Variants in SNX13 observed in about 807,000 individuals in gnomAD.
The protein encoded by SNX13 is sorting nexin-13.
Under a neutral mutation model 133.6 loss-of-function variants are expected in SNX13, and 45 were observed. That is an observed-to-expected ratio of 0.34 (90% CI 0.27 to 0.43). SNX13 has a LOEUF of 0.43. Among genes scored for constraint, SNX13 ranks in the 20% least tolerant of loss-of-function variants. SNX13 has a pLI of 1.00. For missense variants in SNX13, 1,032 were observed against 1,145.1 expected (o/e 0.90, Z 1.43); for synonymous variants, 414 against 373.9 (o/e 1.11, Z -1.24).
chr7:17,864,089 G>T (rs981937456), intron 9 of SNX13, among the ~76,000 whole-genome samples: 1 of 152,136 alleles, frequency 6.6e-6, no homozygotes, highest in African/African-American at 2.4e-5. Context: ...AGATTGAGAA[G>T]ATTAAAATAA....
chr7:17,825,564 T>C (rs1020077005), intron 17 of SNX13, among the ~76,000 whole-genome samples: 6 of 152,324 alleles, frequency 3.9e-5, no homozygotes, highest in African/African-American at 1.4e-4. Flanking sequence ...CACAAAGTTT[T>C]AGAGGTTTCT....
At chr7:17,841,504 G>C (rs1474129025) in intron 12 of SNX13, among the ~76,000 whole-genome samples, 1 of 150,598 alleles carries the variant, frequency 6.6e-6, no homozygotes, top group East Asian at 1.9e-4. Context: ...GGAAAGGGAA[G>C]TGATTTCCAG....
intron 18 of SNX13, among the ~76,000 whole-genome samples, chr7:17,820,712 C>A (rs1047603058): frequency 6.6e-6 from 1 of 152,062 alleles, no homozygotes; most frequent in African/African-American, 2.4e-5. Flanking sequence ...AGTAGTACAA[C>A]GTCATTTCAA....
At chr7:17,810,267 T>TA (rs1389770699) in intron 20 of SNX13, among the ~76,000 whole-genome samples, 7 of 151,574 alleles carry the variant, frequency 4.6e-5, no homozygotes, top group African/African-American at 1.7e-4. Context: ...ATAGACACAA[T>TA]AAAAAATGAT....
Position 17,850,906 on chromosome 7 carries a change from T to C in SNX13, c.896A>G (p.Asn299Ser). The part of the protein sequence containing the change: ...AFMNIIKLSD[N>S]IGELEAVRDK... ...TCTGACTGCTTCTAGCTCTCCAATATTGTCACTCAATTTAATAATGTTCAT... is the reference window on the plus strand; with the variant it reads ...TCTGACTGCTTCTAGCTCTCCAATACTGTCACTCAATTTAATAATGTTCAT... Residue 299 changes from asparagine to serine, a missense_variant, in exon 10 of 26, where the codon AAT becomes AGT. Asn to Ser is a conservative substitution (Grantham distance 46). Coordinates refer to ENST00000428135, the MANE Select transcript of SNX13 (RefSeq NM_015132.5). 3 of 1,612,358 alleles carry C rather than the reference T, an allele frequency of 1.9e-6. No individual in the cohort carries two copies. Among genetic ancestry groups the C allele is most frequent in the Non-Finnish European group, 2.5e-6 (3 of 1,179,314 alleles).
chr7:17,809,435 T>C (rs1007142629), intron 20 of SNX13, among the ~76,000 whole-genome samples: 2 of 152,008 alleles, frequency 1.3e-5, no homozygotes, highest in Non-Finnish European at 2.9e-5. Context: ...CTAACTATCC[T>C]AAATATATGC....
Position 17,873,545 on chromosome 7 carries a change from T to G in SNX13, c.736A>C (p.Met246Leu). ...AAGCTTACCCTGACAAAGTATCGCA[T>G]GATCTTGTTCTGGAAATCTCCAGGA... ...LPPGDFQNKI[M>L]RYFVREILAR... is the part of the protein sequence containing the mutation. Residue 246 changes from methionine to leucine, a missense_variant, in exon 8 of 26, where the codon ATG (methionine) becomes CTG (leucine). Met to Leu is a conservative substitution (Grantham distance 15). Coordinates refer to ENST00000428135, the MANE Select transcript of SNX13 (RefSeq NM_015132.5). 6.3e-7 allele frequency: 1 copy of G among 1,584,620 alleles called. No homozygotes were observed. The highest frequency in any genetic ancestry group is 8.6e-7 in the Non-Finnish European group (1 of 1,166,000).
chr7:17,830,510 T>A, intron 15 of SNX13: 1 of 984,206 alleles, frequency 1.0e-6, no homozygotes, highest in Non-Finnish European at 1.2e-6. Context: ...TTAATAGGTC[T>A]ATTAAGTCCT....
chr7:17,883,490 G>A (rs1278610191), intron 5 of SNX13, among the ~76,000 whole-genome samples: 1 of 152,106 alleles, frequency 6.6e-6, no homozygotes, highest in East Asian at 1.9e-4. Flanking sequence ...TTCTTCTATA[G>A]TGAAATGTCT....
chr7:17,899,385 C>T (rs1192157451), intron 1 of SNX13: 1 of 152,060 alleles, frequency 6.6e-6, no homozygotes, highest in Non-Finnish European at 1.5e-5. Flanking sequence ...TATTATCTAT[C>T]TGAATAAATT....
At position 17,830,063 on chromosome 7, in the gene SNX13, T is replaced by C. The variant is rs1251142358; in HGVS notation, c.1598-16A>G. The C allele has an allele frequency of 2.6e-6, 4 of 1,521,744 alleles. No individual in the cohort carries two copies. The highest frequency in any genetic ancestry group is 3.5e-6 in the Non-Finnish European group (4 of 1,129,042). 94.3% of individuals were successfully genotyped at this position (1,521,744 alleles called of 1,614,324 possible). ...TTAAAAGATTCTGCAGGGGGGAAAT[T>C]CAACTTAGTATACAGCAAAAAACTT... On this transcript the variant is annotated splice_polypyrimidine_tract_variant and intron_variant, in intron 15 of 25. Transcript: ENST00000428135.
rs771114257 is a variant in SNX13 at position 17,868,494 on chromosome 7, A to G, written c.754-4T>C. On this transcript the variant is annotated splice_region_variant and splice_polypyrimidine_tract_variant and intron_variant, in intron 8 of 25. Coordinates refer to ENST00000428135, the MANE Select transcript of SNX13 (RefSeq NM_015132.5). ...GAATTCCTCGTGCAAGGATTTCCTG[A>G]AAAAAAAGTAAATAACAAAAACAAA... is the stretch of plus-strand genomic sequence containing the variant. 5.3e-5 allele frequency: 83 copies of G among 1,578,752 alleles called. 1 individual carries two copies. The highest frequency in any genetic ancestry group is 5.9e-5 in the Non-Finnish European group (68 of 1,159,878).
Position 17,809,030 on chromosome 7 carries a change from A to G in SNX13, c.2065-5450T>C, listed in dbSNP as rs141096896. Among the ~76,000 whole-genome samples, 429 of 152,306 alleles carry G rather than the reference A, an allele frequency of 2.8e-3. 5 individuals are homozygous for G. Among genetic ancestry groups the G allele is most frequent in the East Asian group, 0.025 (130 of 5,174 alleles). On this transcript the variant is annotated intron_variant, in intron 20 of 25. Transcript: ENST00000428135. ...CCAAATTGTAAAGACCATCGATGCT[A>G]GGAAGAAACTGCATTAACTAACGAG...
At chr7:17,853,509 A>G (rs898042142) in intron 9 of SNX13, among the ~76,000 whole-genome samples, 1 of 152,244 alleles carries the variant, frequency 6.6e-6, no homozygotes, top group Non-Finnish European at 1.5e-5. Flanking sequence ...GAAACAACAG[A>G]GGCAAAAGGA....
At chr7:17,870,993 C>T (rs1009581883) in intron 8 of SNX13, among the ~76,000 whole-genome samples, 1 of 150,838 alleles carries the variant, frequency 6.6e-6, no homozygotes, top group South Asian at 2.1e-4. Context: ...TAAGAGGAAT[C>T]GGGTTTTCTT....
intron 18 of SNX13, among the ~76,000 whole-genome samples, chr7:17,820,757 C>A (rs1339547243): frequency 6.6e-6 from 1 of 152,186 alleles, no homozygotes; most frequent in East Asian, 1.9e-4. Flanking sequence ...TCACTTTTAA[C>A]TATTATTGGT....
intron 12 of SNX13, among the ~76,000 whole-genome samples, chr7:17,842,095 T>C (rs971884376): frequency 5.9e-5 from 9 of 151,900 alleles, no homozygotes; most frequent in African/African-American, 1.9e-4. Flanking sequence ...TTTTCCAAAT[T>C]TGAAGAAAGG....
chr7:17,841,972 A>G (rs1789959215), intron 12 of SNX13, among the ~76,000 whole-genome samples: 1 of 152,076 alleles, frequency 6.6e-6, no homozygotes, highest in African/African-American at 2.4e-5. Context: ...GAATGTAAAA[A>G]TACAAAGAAG....
intron 20 of SNX13, among the ~76,000 whole-genome samples, chr7:17,810,669 G>A (rs747828784): frequency 1.2e-4 from 18 of 152,162 alleles, no homozygotes; most frequent in Non-Finnish European, 2.1e-4. Context: ...GCATCAACCT[G>A]ATACCAAAAC....
Sources: allele counts gnomAD v4.1 joint callset (sites outside exome capture counted in the v4.1 genomes callset), GRCh38; gene constraint gnomAD v4.1.1; transcripts MANE v1.5; gene names NCBI Gene and HGNC (gene_info 2026-07-23, HGNC 2026-07-21).